The following BAHCC1 variants were observed in gnomAD, a reference collection of about 807,000 sequenced individuals.
BAHCC1 encodes the protein BAH domain and coiled-coil containing 1.
Under a neutral mutation model 88.2 loss-of-function variants are expected in BAHCC1, and 43 were observed. The ratio of observed to expected loss-of-function variants is 0.49; its 90% CI spans 0.38 to 0.63. The LOEUF (loss-of-function observed/expected upper bound fraction) is 0.63, where lower values mean the gene tolerates loss of function less well. BAHCC1 is among the 20% of genes least tolerant of loss of function. The pLI is 0.00. For synonymous variants in BAHCC1, 1,510 were observed against 745.5 expected, an observed-to-expected ratio of 2.03 and a Z score of -16.71; for missense variants, 3,023 against 1,654.8, an observed-to-expected ratio of 1.83 and a Z score of -14.34.
At chr17:81,421,332 T>G (rs2064113294) in intron 2 of BAHCC1, among the ~76,000 whole-genome samples, 1 of 152,000 alleles carries the variant, frequency 6.6e-6, no homozygotes, top group Non-Finnish European at 1.5e-5. Flanking sequence ...GGTTGGCCAC[T>G]GGTCGGCGGG....
chr17:81,437,927 C>T (rs1050886913), intron 3 of BAHCC1, among the ~76,000 whole-genome samples: 2 of 152,204 alleles, frequency 1.3e-5, no homozygotes, highest in Non-Finnish European at 2.9e-5. Flanking sequence ...GGCCCCTGGC[C>T]TGGGCTGTCC....
Position 81,461,083 on chromosome 17 carries a change from C to T in BAHCC1, c.6420C>T (p.Pro2140=), listed in dbSNP as rs1555659124. 7.8e-6 allele frequency: 6 copies of T among 768,594 alleles called. No homozygotes were observed. Among genetic ancestry groups the T allele is most frequent in the African/African-American group, 1.7e-5 (1 of 59,060 alleles). 47.6% of individuals were successfully genotyped at this position (768,594 alleles called of 1,614,324 possible). A position where few individuals can be genotyped will look rare whatever the true frequency, so the allele number is the denominator to read the frequency against. Residue 2140 remains proline, a synonymous_variant, in exon 26 of 28, where the codon CCC becomes CCT. Coordinates refer to ENST00000675386, the MANE Select transcript of BAHCC1 (RefSeq NM_001377448.1). ...TGCGGGCCCGCGAGGCCCTGTTCCCCGTGCACAGCGTGGCCACACCCATAT... is the reference window on the plus strand; with the variant it reads ...TGCGGGCCCGCGAGGCCCTGTTCCCTGTGCACAGCGTGGCCACACCCATAT... The part of the protein sequence containing the change: ...KKLRAREALF[P]VHSVATPIFG...
rs143926348 is a variant in BAHCC1, at chr17:81,441,655, C to T, written c.482-176C>T. Reference sequence around the variant, plus strand: ...GCAGCCTGGGCGACAGAGGGCAGAGCGAGACTCCGTCTCAAAAAAAAAAAA... The same window carrying T: ...GCAGCCTGGGCGACAGAGGGCAGAGTGAGACTCCGTCTCAAAAAAAAAAAA... On this transcript the variant is annotated intron_variant, in intron 4 of 27. Transcript: ENST00000675386. 4.2e-3 allele frequency among the ~76,000 whole-genome samples: 523 copies of T among 124,852 alleles called. 7 individuals carry two copies. The highest frequency in any genetic ancestry group is 0.036 in the South Asian group (146 of 4,048). The allele number at this position is 124,852 out of a possible 152,430, so 81.9% of individuals were successfully genotyped here.
chr17:81,458,738 C>G lies in BAHCC1; in HGVS notation c.5448+13C>G, dbSNP rs375340110. ...GGCCGGCAAGCAGGTAGCAGCCCCC[C>G]ACTCTGGGAGCCCACTGTGCACCCA... On this transcript the variant is annotated intron_variant, in intron 19 of 27. Coordinates refer to ENST00000675386, the MANE Select transcript of BAHCC1 (RefSeq NM_001377448.1). The G allele has an allele frequency of 2.2e-5, 16 of 739,060 alleles. No homozygotes were observed. The highest frequency in any genetic ancestry group is 5.8e-5 in the Admixed American group (3 of 52,130). 45.8% of individuals were successfully genotyped at this position (739,060 alleles called of 1,614,324 possible).
At chr17:81,430,885 G>GCCCTGCCTAGACCTGCTGT (rs36153302) in intron 3 of BAHCC1, among the ~76,000 whole-genome samples, 7 of 152,100 alleles carry the variant, frequency 4.6e-5, no homozygotes, top group Admixed American at 4.6e-4. Context: ...TGTGGCCCTT[G>GCCCTGCCTAGACCTGCTGT]CCCTGCCTAG....
chr17:81,453,904 G>T (rs916689240), intron 14 of BAHCC1, among the ~76,000 whole-genome samples: 1 of 152,268 alleles, frequency 6.6e-6, no homozygotes, highest in Non-Finnish European at 1.5e-5. Context: ...CGGGGGCCCA[G>T]GGGTGCCTTG....
intron 2 of BAHCC1, among the ~76,000 whole-genome samples, chr17:81,424,661 G>A (rs2064153547): frequency 6.6e-6 from 1 of 152,042 alleles, no homozygotes; most frequent in Non-Finnish European, 1.5e-5. Flanking sequence ...AATGGTAGTG[G>A]TGATGTGGTT....
chr17:81,419,582 C>G (rs962565001), intron 2 of BAHCC1, among the ~76,000 whole-genome samples: 1 of 150,978 alleles, frequency 6.6e-6, no homozygotes, highest in Non-Finnish European at 1.5e-5. Context: ...AGGTGTGGAG[C>G]GGAAGCCAGT....
intron 10 of BAHCC1, among the ~76,000 whole-genome samples, chr17:81,446,062 G>A (rs1171905772): frequency 1.3e-5 from 2 of 152,194 alleles, no homozygotes; most frequent in Admixed American, 6.5e-5. Flanking sequence ...AGCTGGGAGA[G>A]GGAGGGGCAG....
intron 3 of BAHCC1, among the ~76,000 whole-genome samples, chr17:81,436,311 G>A (rs926197941): frequency 2.0e-5 from 3 of 152,194 alleles, no homozygotes; most frequent in East Asian, 1.9e-4. Flanking sequence ...CTGCCCACCC[G>A]CAGCTGCCCC....
intron 14 of BAHCC1, among the ~76,000 whole-genome samples, chr17:81,453,811 C>T (rs1167449498): frequency 1.3e-5 from 2 of 152,266 alleles, no homozygotes; most frequent in Non-Finnish European, 2.9e-5. Flanking sequence ...ACCCTTCCAC[C>T]TCCTGCCCTC....
At chr17:81,425,148 G>T (rs1555650154) in intron 2 of BAHCC1, among the ~76,000 whole-genome samples, 1 of 134,048 alleles carries the variant, frequency 7.5e-6, no homozygotes. Context: ...TGTGGTTGGG[G>T]GTGATGGTGG....
Position 81,442,442 on chromosome 17 carries a change from C to T in BAHCC1, c.1093C>T (p.Pro365Ser). ...PPLSTAAGSF[P>S]CLQLHGGPDG... ...CCTCAGCACAGCCGCCGGCTCCTTC[C>T]CCTGCCTGCAGCTGCACGGGGGCCC... The change falls in exon 5 of 28, where the codon CCC (proline) becomes TCC (serine). Residue 365 changes from proline to serine, a missense_variant. Pro to Ser is a moderately conservative substitution (Grantham distance 74). Coordinates refer to ENST00000675386, the MANE Select transcript of BAHCC1 (RefSeq NM_001377448.1). The T allele has an allele frequency of 1.4e-6, 1 of 711,504 alleles. No homozygotes were observed. The allele number at this position is 711,504 out of a possible 1,614,324, so 44.1% of individuals were successfully genotyped here. A position where few individuals can be genotyped will look rare whatever the true frequency, so the allele number is the denominator to read the frequency against.
chr17:81,403,849 G>A (rs1174878313), intron 2 of BAHCC1, among the ~76,000 whole-genome samples: 13 of 152,148 alleles, frequency 8.5e-5, no homozygotes, highest in Admixed American at 1.3e-4. Flanking sequence ...GCGGTGGCCC[G>A]CCACGCCCGC....
chr17:81,413,011 T>G, intron 2 of BAHCC1: 1 of 307,530 alleles, frequency 3.3e-6, no homozygotes, highest in Non-Finnish European at 6.9e-6. Flanking sequence ...AGTGGGTGGG[T>G]GTCACTTCCT....
intron 2 of BAHCC1, among the ~76,000 whole-genome samples, chr17:81,421,002 C>T (rs1303154216): frequency 6.6e-6 from 1 of 152,256 alleles, no homozygotes; most frequent in Non-Finnish European, 1.5e-5. Flanking sequence ...TGCTCCATCT[C>T]TTACCAGCCC....
intron 3 of BAHCC1, among the ~76,000 whole-genome samples, chr17:81,431,528 C>T (rs1835456477): frequency 6.6e-6 from 1 of 152,158 alleles, no homozygotes; most frequent in Non-Finnish European, 1.5e-5. Flanking sequence ...GGTGGCAGAA[C>T]CTGAGCCCCA....
chr17:81,409,208 C>T (rs550349195), intron 2 of BAHCC1, among the ~76,000 whole-genome samples: 8 of 152,190 alleles, frequency 5.3e-5, no homozygotes, highest in African/African-American at 9.7e-5. Context: ...CCCTGGCCTT[C>T]GTGTAGCATC....
chr17:81,410,034 CCT>C (rs2063929924), intron 2 of BAHCC1: 1 of 317,740 alleles, frequency 3.1e-6, no homozygotes, highest in Non-Finnish European at 6.7e-6. Context: ...CTCTTCCCTC[CCT>C]GAGTCTAGGC....
Sources: gnomAD v4.1 joint callset for allele counts (sites outside exome capture counted in the v4.1 genomes callset) on GRCh38, gnomAD v4.1.1 for gene constraint, MANE v1.5 for transcripts, NCBI Gene and HGNC (gene_info 2026-07-23, HGNC 2026-07-21) for gene names.